Variants in MX1 observed in about 807,000 individuals in gnomAD.
MX1 encodes MX dynamin like GTPase 1.
In MX1, 66 loss-of-function variants were observed where a neutral mutation model predicts 66.4. That is an observed-to-expected ratio of 0.99 (90% CI 0.82 to 1.22). The LOEUF (loss-of-function observed/expected upper bound fraction) is 1.22, where lower values mean the gene tolerates loss of function less well. MX1 is among the 50% of genes most tolerant of loss of function. MX1 has a pLI of 0.00. For synonymous variants in MX1, 311 were observed against 318.1 expected, an observed-to-expected ratio of 0.98 and a Z score of 0.24; for missense variants, 787 against 834.3, an observed-to-expected ratio of 0.94 and a Z score of 0.70.
chr21:41,422,330 G>A (rs186470281), upstream of MX1, among the ~76,000 whole-genome samples: 5 of 152,260 alleles, frequency 3.3e-5, no homozygotes, highest in Non-Finnish European at 7.4e-5. Flanking sequence ...TGTCTAAAAC[G>A]GGGAGGCATG....
chr21:41,443,938 T>G (rs1436234387), intron 11 of MX1, 72 bp downstream of exon 11: 30 of 1,384,064 alleles, frequency 2.2e-5, no homozygotes, highest in Non-Finnish European at 3.0e-5. Flanking sequence ...TGCTGGCTTC[T>G]TAAACATCAC....
intron 4 of MX1, 139 bp downstream of exon 4, chr21:41,430,747 T>C (rs2090188768): frequency 6.6e-6 from 1 of 152,200 alleles, no homozygotes. Flanking sequence ...TAAAAATGAA[T>C]TTCAAATACA....
At chr21:41,447,733 T>A (rs551371542) in intron 13 of MX1, among the ~76,000 whole-genome samples, 34 of 148,860 alleles carry the variant, frequency 2.3e-4, no homozygotes, top group Admixed American at 1.9e-3. Flanking sequence ...ACCCATACAC[T>A]TTTTTTTTTC....
intron 7 of MX1, 22 bp downstream of exon 7, chr21:41,437,174 G>A: frequency 6.2e-7 from 1 of 1,613,284 alleles, no homozygotes; most frequent in Non-Finnish European, 8.5e-7. Context: ...CTGTTTGGAT[G>A]CCTGGTCAAG....
chr21:41,434,951 G>T (rs1014092202), intron 5 of MX1, among the ~76,000 whole-genome samples: 3 of 152,166 alleles, frequency 2.0e-5, no homozygotes, highest in Non-Finnish European at 4.4e-5. Flanking sequence ...CTGTAGTGCA[G>T]GTCTGCTGGT....
chr21:41,423,037 C>T (rs568847895), upstream of MX1: 1 of 152,684 alleles, frequency 6.5e-6, no homozygotes, highest in South Asian at 2.1e-4. Flanking sequence ...ACCTGGGGTT[C>T]TTGGCCTCAC....
rs192825917 is a variant in MX1, at chr21:41,439,599, G to A, written c.437-95G>A. ...CCAAATATGCTTTTATCCATGACTC[G>A]CAGAGAGGAGAAGATGCTTTCAGAG... On this transcript the variant is annotated intron_variant, in intron 7 of 16. Coordinates refer to ENST00000398598, the MANE Select transcript of MX1 (RefSeq NM_002462.5). 50 of 1,192,808 alleles carry A rather than the reference G, an allele frequency of 4.2e-5. No homozygotes were observed. The East Asian group carries it at 4.5e-4, about 11-fold the overall frequency. The allele number at this position is 1,192,808 out of a possible 1,614,324, so 73.9% of individuals were successfully genotyped here.
Position 41,439,924 on chromosome 21 carries a change from G to C in MX1, c.591+76G>C, listed in dbSNP as rs371961687. ...GTGGAGGGGTGGGAGGAGAAAGAGG[G>C]TACTGTATTAGAGTAACCGTGAGTC... On this transcript the variant is annotated intron_variant, in intron 8 of 16. Transcript: ENST00000398598. The C allele has an allele frequency of 1.5e-4, 220 of 1,479,606 alleles. 3 individuals carry two copies. The South Asian group carries it at 2.5e-3, about 17-fold the overall frequency. 91.7% of individuals were successfully genotyped at this position (1,479,606 alleles called of 1,614,324 possible).
At chr21:41,445,742 G>A in intron 12 of MX1, 172 bp downstream of exon 12, 2 of 925,608 alleles carry the variant, frequency 2.2e-6, no homozygotes, top group Non-Finnish European at 3.2e-6. Context: ...GAGTGCAGAT[G>A]TGGGGGTGGA....
chr21:41,449,035 TG>T lies in MX1; in HGVS notation c.1274-101del, dbSNP rs1359958211. 20 of 1,060,960 alleles carry T rather than the reference TG, an allele frequency of 1.9e-5. No individual in the cohort carries two copies. The East Asian group carries it at 5.6e-4, about 30-fold the overall frequency. The allele number at this position is 1,060,960 out of a possible 1,614,324, so 65.7% of individuals were successfully genotyped here. A position where few individuals can be genotyped will look rare whatever the true frequency, so the allele number is the denominator to read the frequency against. ...GATTTGATTTGATACCACTTTTTCT[TG>T]CCATTTATATTTTCAGAAAATTTAG... On this transcript the variant is annotated intron_variant, in intron 13 of 16. Transcript: ENST00000398598.
chr21:41,439,811 T>C lies in MX1; in HGVS notation c.554T>C (p.Val185Ala). Residue 185 changes from valine (V) to alanine (A), a missense_variant, in exon 8 of 17, where the codon GTG (valine) becomes GCG (alanine). Physicochemically the swap from Val to Ala is moderately conservative, Grantham distance 64. Transcript: ENST00000398598. Reference protein sequence around the residue: ...TLIDLPGITRVAVGNQPADIG... With the variant: ...TLIDLPGITRAAVGNQPADIG... ...ATAGACCTTCCTGGCATAACCAGAG[T>C]GGCTGTGGGCAATCAGCCTGCTGAC... The C allele has an allele frequency of 6.2e-7, 1 of 1,612,566 alleles. No homozygotes were observed. Among genetic ancestry groups the C allele is most frequent in the South Asian group, 1.1e-5 (1 of 91,032 alleles).
chr21:41,433,367 A>G (rs1010146051), intron 5 of MX1, among the ~76,000 whole-genome samples: 2 of 152,228 alleles, frequency 1.3e-5, no homozygotes, highest in African/African-American at 4.8e-5. Context: ...CCACATGCAT[A>G]GCAGCACTGT....
rs370572171 is a variant in MX1, at chr21:41,443,733, G to C, written c.930-55G>C. The C allele has an allele frequency of 5.1e-6, 8 of 1,554,682 alleles. No homozygotes were observed. In the African/African-American group the frequency reaches 9.5e-5, roughly 18 times the overall value. On this transcript the variant is annotated intron_variant, in intron 10 of 16. Coordinates refer to ENST00000398598, the MANE Select transcript of MX1 (RefSeq NM_002462.5). Reference sequence around the variant, plus strand: ...GACTTTCCCCAACAGCAAAAAGGCAGACATGCGTGTTCTGGCTACATCAAG... The same window carrying C: ...GACTTTCCCCAACAGCAAAAAGGCACACATGCGTGTTCTGGCTACATCAAG...
Position 41,427,775 on chromosome 21 carries a change from G to A in MX1, c.-189G>A, listed in dbSNP as rs1056248739. ...TGCAGGAATTCTGTGGCCACACTGC[G>A]AGGAGATCGGTTCTGGGTCGGAGGC... On this transcript the variant is annotated 5_prime_UTR_variant, in exon 3 of 17. Transcript: ENST00000398598. The A allele has an allele frequency of 6.6e-6, 1 of 152,238 alleles. No homozygotes were observed. Among genetic ancestry groups the A allele is most frequent in the Admixed American group, 6.5e-5 (1 of 15,284 alleles). 9.4% of individuals were successfully genotyped at this position (152,238 alleles called of 1,614,324 possible).
Position 41,437,138 on chromosome 21 carries a change from A to G in MX1, c.422A>G (p.Lys141Arg). 1 of 1,614,002 alleles carries G rather than the reference A, an allele frequency of 6.2e-7. No individual in the cohort carries two copies. The change falls in exon 7 of 17, where the codon AAG becomes AGG. Residue 141 changes from lysine to arginine, a missense_variant. Transcript: ENST00000398598. ...ATTTCGGATGCTTCAGAGGTAGAAA[A>G]GGAAATTAATAAAGGTGAGTACCCC... Reference protein sequence around the residue: ...IEISDASEVEKEINKAQNAIA... With the variant: ...IEISDASEVEREINKAQNAIA...
rs1480155191 is a variant in MX1, at chr21:41,441,005, C to T, written c.710C>T (p.Pro237Leu). 1 of 1,613,990 alleles carries T rather than the reference C, an allele frequency of 6.2e-7. No individual in the cohort carries two copies. Among genetic ancestry groups the T allele is most frequent in the Non-Finnish European group, 8.5e-7 (1 of 1,180,004 alleles). ...CTCAGCATGGCCCAGGAGGTGGACCCCGAGGGAGACAGGACCATCGGTGAG... is the reference window on the plus strand; with the variant it reads ...CTCAGCATGGCCCAGGAGGTGGACCTCGAGGGAGACAGGACCATCGGTGAG... ...EALSMAQEVD[P>L]EGDRTIGILT... The change falls in exon 9 of 17, where the codon CCC (proline) becomes CTC (leucine). Residue 237 changes from proline to leucine, a missense_variant. Transcript: ENST00000398598. This position sits in a 1 kb window ranked among gnomAD's most constrained non-coding sequence, Gnocchi z 4.0.
intron 10 of MX1, among the ~76,000 whole-genome samples, chr21:41,442,369 G>A (rs1353473951): frequency 2.0e-5 from 3 of 151,858 alleles, no homozygotes; most frequent in Admixed American, 1.3e-4. Flanking sequence ...TTAATATTTG[G>A]GAAAAAACTA....
intron 10 of MX1, 101 bp from the exon 11 acceptor site, chr21:41,443,687 T>A: frequency 1.0e-6 from 1 of 998,512 alleles, no homozygotes; most frequent in Non-Finnish European, 1.6e-6. Context: ...CATCCAGTTG[T>A]AAGCAACTGA....
Position 41,443,873 on chromosome 21 carries a change from A to T in MX1, c.1008+7A>T. Reference sequence around the variant, plus strand: ...GCTCATCACACATATCTGTGTAAGCACGGGCAGAGCTGTGGGTTCTCTAAA... The same window carrying T: ...GCTCATCACACATATCTGTGTAAGCTCGGGCAGAGCTGTGGGTTCTCTAAA... On this transcript the variant is annotated splice_region_variant and intron_variant, in intron 11 of 16. Transcript: ENST00000398598. The T allele has an allele frequency of 6.2e-7, 1 of 1,614,084 alleles. No homozygotes were observed. The highest frequency in any genetic ancestry group is 8.5e-7 in the Non-Finnish European group (1 of 1,179,888).
Sources: gnomAD v4.1 joint callset for allele counts (sites outside exome capture counted in the v4.1 genomes callset) on GRCh38, gnomAD v4.1.1 for gene constraint, Gnocchi (gnomAD v3.1) non-coding constraint, MANE v1.5 for transcripts, NCBI Gene and HGNC (gene_info 2026-07-23, HGNC 2026-07-21) for gene names.